The following BACH1 variants were observed in gnomAD, a reference collection of about 807,000 sequenced individuals.
The protein encoded by BACH1 is transcription regulator protein BACH1.
BACH1 carries 35 observed loss-of-function variants against 52.9 expected under a neutral mutation model. The ratio of observed to expected loss-of-function variants is 0.66; its 90% CI spans 0.51 to 0.88. The LOEUF (loss-of-function observed/expected upper bound fraction) is 0.88, where lower values mean the gene tolerates loss of function less well. BACH1 is among the 40% of genes least tolerant of loss of function. The pLI is 0.00. For synonymous variants in BACH1, 321 were observed against 319.6 expected, an observed-to-expected ratio of 1.00 and a Z score of -0.05; for missense variants, 808 against 872.6, an observed-to-expected ratio of 0.93 and a Z score of 0.93.
intron 3 of BACH1, among the ~76,000 whole-genome samples, chr21:29,327,652 A>T (rs1455303396): frequency 6.6e-6 from 1 of 152,126 alleles, no homozygotes; most frequent in Admixed American, 6.6e-5. Flanking sequence ...CAACATGGCG[A>T]ATCTCCGTCT....
At chr21:29,348,364 G>A (rs996489656), downstream of BACH1, among the ~76,000 whole-genome samples, 1 of 152,138 alleles carries the variant, frequency 6.6e-6, no homozygotes, top group African/African-American at 2.4e-5. Context: ...TTCGAAACAA[G>A]CTAATTCCCA....
At chr21:29,359,038 A>C (rs942834847) in intron 2 of BACH1, 3 of 152,064 alleles carry the variant, frequency 2.0e-5, no homozygotes, top group African/African-American at 7.2e-5. Flanking sequence ...ATCCATCCTG[A>C]AGAACAATAA....
At chr21:29,319,375 T>G (rs2088823212) in intron 1 of BACH1, among the ~76,000 whole-genome samples, 1 of 152,030 alleles carries the variant, frequency 6.6e-6, no homozygotes, top group Non-Finnish European at 1.5e-5. Flanking sequence ...TACAGATTGT[T>G]TTCAACAGAA....
chr21:29,321,630 G>T, intron 2 of BACH1, 116 bp downstream of exon 2: 3 of 833,978 alleles, frequency 3.6e-6, no homozygotes, highest in South Asian at 4.8e-5. Context: ...GCATTTCCCA[G>T]GTTCTGTGCA....
intron 1 of BACH1, among the ~76,000 whole-genome samples, chr21:29,301,521 C>CT (rs2088603696): frequency 2.0e-5 from 3 of 152,102 alleles, no homozygotes; most frequent in African/African-American, 7.2e-5. Context: ...GTATGTTTTA[C>CT]TTTAGAAGCT....
downstream of BACH1, among the ~76,000 whole-genome samples, chr21:29,349,249 C>T (rs912282070): frequency 3.9e-5 from 6 of 152,132 alleles, no homozygotes; most frequent in South Asian, 2.1e-4. Context: ...GCCACAGTGG[C>T]CTGGCGCTAC....
intron 1 of BACH1, among the ~76,000 whole-genome samples, chr21:29,312,926 G>C (rs2123420132): frequency 6.6e-6 from 1 of 152,238 alleles, no homozygotes; most frequent in East Asian, 1.9e-4. Context: ...AGAAGAATTA[G>C]ACATTTCACA....
downstream of BACH1, among the ~76,000 whole-genome samples, chr21:29,347,142 A>G (rs527606482): frequency 8.7e-4 from 132 of 152,260 alleles, no homozygotes; most frequent in Middle Eastern, 3.4e-3. Flanking sequence ...AGAGTTTTGA[A>G]CCATTTGAGA....
chr21:29,306,169 AGTGTGTGTGTGTGTGTGTGT>A (rs61571512), intron 1 of BACH1, among the ~76,000 whole-genome samples: 15 of 141,198 alleles, frequency 1.1e-4, no homozygotes, highest in Admixed American at 6.4e-4. Flanking sequence ...GGTCAGGAAG[AGTGTGTGTGTGTGTGTGTGT>A]GTGTGTGTGT....
At chr21:29,341,949 C>G (rs1422336801) in intron 4 of BACH1, among the ~76,000 whole-genome samples, 1 of 152,182 alleles carries the variant, frequency 6.6e-6, no homozygotes, top group Non-Finnish European at 1.5e-5. Flanking sequence ...GCCATCCATA[C>G]CTGTTATGTA....
intron 4 of BACH1, among the ~76,000 whole-genome samples, chr21:29,330,033 T>C (rs75848849): frequency 0.017 from 2,553 of 152,322 alleles, 76 homozygotes; most frequent in African/African-American, 0.059. Flanking sequence ...ATAACTTGTT[T>C]TGGTTGATAC....
intron 4 of BACH1, among the ~76,000 whole-genome samples, chr21:29,341,102 G>A (rs967074068): frequency 2.0e-5 from 3 of 151,810 alleles, no homozygotes; most frequent in African/African-American, 7.3e-5. Context: ...AAATATTTTA[G>A]AAATAACAAT....
chr21:29,314,465 A>G (rs1452324598), intron 1 of BACH1, among the ~76,000 whole-genome samples: 1 of 152,252 alleles, frequency 6.6e-6, no homozygotes, highest in African/African-American at 2.4e-5. Flanking sequence ...CCCAGCAACT[A>G]TAACAAAAGG....
intron 1 of BACH1, among the ~76,000 whole-genome samples, chr21:29,314,190 A>G (rs1011075397): frequency 2.6e-5 from 4 of 152,226 alleles, no homozygotes; most frequent in African/African-American, 7.2e-5. Flanking sequence ...GTAAGAAGGT[A>G]TAACAGTGGA....
intron 2 of BACH1, among the ~76,000 whole-genome samples, chr21:29,358,818 A>G (rs576724174): frequency 3.7e-5 from 5 of 136,950 alleles, no homozygotes; most frequent in African/African-American, 7.8e-5. Context: ...AAGAAAGAAG[A>G]AAGAAAGAAA....
At chr21:29,300,326 T>A (rs1203754338) in intron 1 of BACH1, among the ~76,000 whole-genome samples, 1 of 152,184 alleles carries the variant, frequency 6.6e-6, no homozygotes, top group Non-Finnish European at 1.5e-5. Flanking sequence ...GCTGAGTCAT[T>A]CGCCCCAGCT....
chr21:29,352,115 C>CG (rs2089206204), intron 2 of BACH1, among the ~76,000 whole-genome samples: 1 of 149,492 alleles, frequency 6.7e-6, no homozygotes, highest in Admixed American at 6.7e-5. Context: ...AGTGCAGTGG[C>CG]GCGATCAGAG....
At chr21:29,359,904 AT>A (rs1485410562) in intron 2 of BACH1, among the ~76,000 whole-genome samples, 1 of 152,162 alleles carries the variant, frequency 6.6e-6, no homozygotes, top group Admixed American at 6.5e-5. Flanking sequence ...CCTGTGACAA[AT>A]GCATTTCTCA....
rs372660517 is a variant in BACH1, at chr21:29,314,492, A to G, written c.-60-6729A>G. Among the ~76,000 whole-genome samples, 18 of 152,330 alleles carry G rather than the reference A, an allele frequency of 1.2e-4. No homozygotes were observed. The East Asian group carries it at 1.3e-3, about 11-fold the overall frequency. On this transcript the variant is annotated intron_variant, in intron 1 of 4. Coordinates refer to ENST00000286800, the MANE Select transcript of BACH1 (RefSeq NM_001186.4). ...AACAAAAGGTCCATGACTTAACTAT[A>G]TAGTTTTTAATGTTAGGAAAAGTAA...
Sources: allele counts gnomAD v4.1 joint callset (sites outside exome capture counted in the v4.1 genomes callset), GRCh38; gene constraint gnomAD v4.1.1; transcripts MANE v1.5; gene names NCBI Gene and HGNC (gene_info 2026-07-23, HGNC 2026-07-21).